The following PDXDC1 variants were observed in gnomAD, a reference collection of about 807,000 sequenced individuals.
The protein encoded by PDXDC1 is pyridoxal-dependent decarboxylase domain-containing protein 1.
Under a neutral mutation model 100.1 loss-of-function variants are expected in PDXDC1, and 42 were observed. The observed-to-expected ratio is 0.42, with a 90% confidence interval of 0.33 to 0.54. The LOEUF (loss-of-function observed/expected upper bound fraction) is 0.54. Among genes scored for constraint, PDXDC1 ranks in the 20% least tolerant of loss-of-function variants. The probability of loss-of-function intolerance (pLI) is 0.10; values close to 1 mark genes in which losing one functional copy is unlikely to be tolerated. For missense variants in PDXDC1, 636 were observed against 979.2 expected (o/e 0.65, Z 4.68); for synonymous variants, 260 against 371.7 (o/e 0.70, Z 3.46).
chr16:15,085,052 C>A (rs913927335), intron 16 of PDXDC1, among the ~76,000 whole-genome samples: 4 of 151,814 alleles, frequency 2.6e-5, no homozygotes, highest in African/African-American at 9.7e-5. Context: ...GGCAACAGAG[C>A]GAGACTCTGT....
chr16:15,130,290 G>A, intron 16 of PDXDC1: 1 of 1,533,942 alleles, frequency 6.5e-7, no homozygotes, highest in South Asian at 1.2e-5. Context: ...GGCCTGGCGG[G>A]GCGAGGTCTC....
chr16:15,128,268 C>T (rs763512229), intron 16 of PDXDC1: 21 of 1,610,856 alleles, frequency 1.3e-5, no homozygotes, highest in African/African-American at 2.7e-5. Context: ...CCAGGCTGTG[C>T]GGGGTGGCGA....
intron 16 of PDXDC1, among the ~76,000 whole-genome samples, chr16:15,122,137 CT>C (rs2047451553): frequency 1.3e-5 from 2 of 152,084 alleles, no homozygotes; most frequent in African/African-American, 2.4e-5. Flanking sequence ...GCACTCCAGC[CT>C]GGGCGACAGA....
intron 16 of PDXDC1, among the ~76,000 whole-genome samples, chr16:15,101,332 T>C (rs983903910): frequency 6.6e-6 from 1 of 152,218 alleles, no homozygotes; most frequent in African/African-American, 2.4e-5. Context: ...TTGTTTGTTT[T>C]TTGAGACGGA....
At chr16:15,085,374 C>A (rs1206338450) in intron 16 of PDXDC1, among the ~76,000 whole-genome samples, 1 of 151,988 alleles carries the variant, frequency 6.6e-6, no homozygotes, top group Non-Finnish European at 1.5e-5. Flanking sequence ...AGGGCTTGAA[C>A]TCCTGGGCTC....
rs751289548 is a variant in PDXDC1, at chr16:15,083,554, C to A, written c.1399+53498C>A. On this transcript the variant is annotated intron_variant, in intron 16 of 16. Transcript: ENST00000535621. The stretch of plus-strand genomic sequence containing the variant: ...TTTCGAACAAATGGAAATTTTTCCA[C>A]CAGTATTGGCATGAGAAACCACGGT... The A allele has an allele frequency of 1.6e-5, 25 of 1,609,254 alleles. 1 individual carries two copies. In the South Asian group the frequency reaches 2.8e-4, roughly 18 times the overall value.
chr16:15,086,990 G>A (rs541696907), intron 16 of PDXDC1, among the ~76,000 whole-genome samples: 1 of 152,282 alleles, frequency 6.6e-6, no homozygotes, highest in Non-Finnish European at 1.5e-5. Context: ...ATTCCTCCAT[G>A]AAATATTTTT....
the PDXDC1 span, among the ~76,000 whole-genome samples, chr16:15,145,927 G>A: frequency 2.0e-5 from 3 of 152,330 alleles, no homozygotes; most frequent in South Asian, 2.1e-4. Flanking sequence ...AAAAGAACAC[G>A]TGTGTCTCCC....
At chr16:15,031,248 C>T (rs1286749595) in intron 16 of PDXDC1, among the ~76,000 whole-genome samples, 5 of 151,566 alleles carry the variant, frequency 3.3e-5, no homozygotes, top group African/African-American at 9.7e-5. Context: ...ATTGCCTGGC[C>T]ACAGCTCTAG....
intron 16 of PDXDC1, chr16:15,071,030 A>G (rs2045202518): frequency 1.7e-6 from 2 of 1,182,302 alleles, no homozygotes; most frequent in South Asian, 3.1e-5. Context: ...AAACATGCCA[A>G]AAAAAATGGG....
chr16:15,039,952 G>C, downstream of PDXDC1: 1 of 1,423,902 alleles, frequency 7.0e-7, no homozygotes, highest in Non-Finnish European at 9.8e-7. Context: ...CCTTAACAAA[G>C]ATGATTTGAA....
At position 15,058,248 on chromosome 16, in the gene PDXDC1, T is replaced by G; in HGVS notation, c.1399+28192T>G. ...GGTCAAGGCTGCAATGAGGCACGAC[T>G]GTGCCACTGCACTCCTGCCTGGGTG... On this transcript the variant is annotated intron_variant, in intron 16 of 16. Coordinates refer to the PDXDC1 transcript ENST00000535621. Among the ~76,000 whole-genome samples the G allele has an allele frequency of 1.3e-5, 2 of 151,872 alleles. 1 individual carries two copies.
intron 16 of PDXDC1, chr16:15,085,572 C>A: frequency 1.3e-6 from 2 of 1,585,158 alleles, no homozygotes; most frequent in African/African-American, 1.3e-5. Flanking sequence ...CCCGTCTTGG[C>A]TTCCCAAAGT....
chr16:15,022,075 A>G (rs1201470210), intron 12 of PDXDC1, among the ~76,000 whole-genome samples: 2 of 152,288 alleles, frequency 1.3e-5, no homozygotes, highest in Non-Finnish European at 2.9e-5. Context: ...ATATACTCCA[A>G]TCCCATGAGT....
chr16:15,122,035 G>T, intron 16 of PDXDC1: 3 of 284,706 alleles, frequency 1.1e-5, no homozygotes, highest in South Asian at 6.0e-5. Flanking sequence ...AAATTAGCCA[G>T]GCGTTGTAAT....
In PDXDC1 at chr16:15,048,150, A is replaced by G. The variant is rs2044151085; in HGVS notation, c.1399+18094A>G. On this transcript the variant is annotated intron_variant, in intron 16 of 16. Transcript: ENST00000535621. ...TAGTGATGTAAATTAGTGAGGATGG[A>G]AAAACTAAAGATGTGGAGAGAGCCA... 5 of 1,342,416 alleles carry G rather than the reference A, an allele frequency of 3.7e-6. No homozygotes were observed. In the African/African-American group the frequency reaches 7.3e-5, roughly 20 times the overall value. 83.2% of individuals were successfully genotyped at this position (1,342,416 alleles called of 1,614,324 possible).
At position 14,975,781 on chromosome 16, in the gene PDXDC1, C is replaced by T. The variant is rs1294299864; in HGVS notation, c.21+561C>T. 5.4e-6 allele frequency: 4 copies of T among 736,476 alleles called. No homozygotes were observed. The African/African-American group carries it at 5.9e-5, about 11-fold the overall frequency. 45.6% of individuals were successfully genotyped at this position (736,476 alleles called of 1,614,324 possible). The stretch of plus-strand genomic sequence containing the variant: ...GAACCTCTGGGGGCGGGACCGGGAA[C>T]TGCGTGTTTAACCGCCACCGCCCCG... On this transcript the variant is annotated intron_variant, in intron 1 of 22. Transcript: ENST00000396410.
chr16:15,041,693 A>G, downstream of PDXDC1: 1 of 1,591,850 alleles, frequency 6.3e-7, no homozygotes, highest in Admixed American at 1.7e-5. Flanking sequence ...TGAGAATTTT[A>G]AGACCAGAAG....
chr16:15,147,943 C>G, the PDXDC1 span, among the ~76,000 whole-genome samples: 1 of 151,876 alleles, frequency 6.6e-6, no homozygotes, highest in Non-Finnish European at 1.5e-5. Context: ...CCTTGGCCTC[C>G]CAAAGTGCTG....
Sources: gnomAD v4.1 joint callset for allele counts (sites outside exome capture counted in the v4.1 genomes callset) on GRCh38, gnomAD v4.1.1 for gene constraint, MANE v1.5 for transcripts, NCBI Gene and HGNC (gene_info 2026-07-23, HGNC 2026-07-21) for gene names.